The following ATP8A2 variants were observed in gnomAD, a reference collection of about 807,000 sequenced individuals.
ATP8A2 encodes phospholipid-transporting ATPase IB.
In ATP8A2, 100 loss-of-function variants were observed where a neutral mutation model predicts 165.6. That is an observed-to-expected ratio of 0.60 (90% confidence interval 0.51 to 0.71). The LOEUF (loss-of-function observed/expected upper bound fraction) is 0.71, where lower values mean the gene tolerates loss of function less well. ATP8A2 is among the 30% of genes least tolerant of loss of function. The pLI is 0.00. For synonymous variants in ATP8A2, 543 were observed against 548.8 expected, an observed-to-expected ratio of 0.99 and a Z score of 0.15; for missense variants, 1,227 against 1,479.5, an observed-to-expected ratio of 0.83 and a Z score of 2.80.
chr13:25,372,311 A>C lies in ATP8A2; in HGVS notation c.76+23A>C. Reference sequence around the variant, plus strand: ...TGGGTGAGCTGGGAGGGGCGCGGCGAGGGAGGGTGGGCCCGGGGCGGGGGC... The same window carrying C: ...TGGGTGAGCTGGGAGGGGCGCGGCGCGGGAGGGTGGGCCCGGGGCGGGGGC... On this transcript the variant is annotated intron_variant, in intron 1 of 36. Transcript: ENST00000381655. The surrounding 1 kb of genome is among the most constrained non-coding windows in gnomAD (Gnocchi z 4.8). 1.7e-6 allele frequency: 1 copy of C among 579,858 alleles called. No homozygotes were observed. Among genetic ancestry groups the C allele is most frequent in the Non-Finnish European group, 2.7e-6 (1 of 366,416 alleles). The allele number at this position is 579,858 out of a possible 1,614,324, so 35.9% of individuals were successfully genotyped here. A position where few individuals can be genotyped will look rare whatever the true frequency, so the allele number is the denominator to read the frequency against.
At chr13:25,856,461 G>A (rs1021474279) in intron 30 of ATP8A2, among the ~76,000 whole-genome samples, 4 of 152,088 alleles carry the variant, frequency 2.6e-5, no homozygotes, top group Non-Finnish European at 5.9e-5. Flanking sequence ...TTCAGGTGAT[G>A]GAGACACTAA....
intron 25 of ATP8A2, among the ~76,000 whole-genome samples, chr13:25,748,498 G>A (rs1190929651): frequency 6.6e-6 from 1 of 152,192 alleles, no homozygotes; most frequent in African/African-American, 2.4e-5. Flanking sequence ...TAAGATATTT[G>A]TTGCTTTTTC....
At chr13:25,650,883 T>A (rs1344708635) in intron 24 of ATP8A2, among the ~76,000 whole-genome samples, 1 of 152,192 alleles carries the variant, frequency 6.6e-6, no homozygotes, top group Non-Finnish European at 1.5e-5. Flanking sequence ...CATTATTTGA[T>A]TTTGTTTTAG....
chr13:25,991,221 A>G (rs1956386652), intron 35 of ATP8A2, among the ~76,000 whole-genome samples: 1 of 152,212 alleles, frequency 6.6e-6, no homozygotes, highest in Non-Finnish European at 1.5e-5. Flanking sequence ...AACATGAAAT[A>G]AAAGGGAATA....
chr13:25,570,874 T>G lies in ATP8A2; in HGVS notation c.1579+2T>G. ...TCATCTACCAGGCCTCTTCCCCAGG[T>G]GAGGGCTCTGGCCGGATGCGCCCTG... is the stretch of plus-strand genomic sequence containing the variant. On this transcript the variant is annotated splice_donor_variant, in intron 17 of 36. Coordinates refer to ENST00000381655, the MANE Select transcript of ATP8A2 (RefSeq NM_016529.6). LOFTEE classifies it high-confidence loss of function. 6.2e-7 allele frequency: 1 copy of G among 1,608,984 alleles called. No individual in the cohort carries two copies. Among genetic ancestry groups the G allele is most frequent in the Non-Finnish European group, 8.5e-7 (1 of 1,175,942 alleles).
At chr13:25,898,097 G>T (rs1593524782) in intron 33 of ATP8A2, among the ~76,000 whole-genome samples, 1 of 152,258 alleles carries the variant, frequency 6.6e-6, no homozygotes, top group East Asian at 1.9e-4. Context: ...TTCCTTTGGA[G>T]GTGCTCTGAT....
chr13:25,692,046 T>G (rs865985723), intron 24 of ATP8A2, among the ~76,000 whole-genome samples: 2 of 151,994 alleles, frequency 1.3e-5, no homozygotes, highest in African/African-American at 4.8e-5. Flanking sequence ...GCAGCTGCAC[T>G]GGGTGTGAGA....
intron 24 of ATP8A2, among the ~76,000 whole-genome samples, chr13:25,611,303 C>T (rs1041120117): frequency 6.6e-6 from 1 of 151,552 alleles, no homozygotes; most frequent in African/African-American, 2.4e-5. Context: ...GATGACTTTA[C>T]ATTGAGGTAT....
chr13:25,933,090 C>T (rs1954806967), intron 33 of ATP8A2, among the ~76,000 whole-genome samples: 1 of 152,198 alleles, frequency 6.6e-6, no homozygotes, highest in Non-Finnish European at 1.5e-5. Context: ...TCAGGTGATC[C>T]GTCCACCTTG....
chr13:25,793,428 A>G (rs967454943), intron 27 of ATP8A2, among the ~76,000 whole-genome samples: 1 of 152,224 alleles, frequency 6.6e-6, no homozygotes, highest in African/African-American at 2.4e-5. Context: ...TAACAAGCAT[A>G]GAGATGAAAA....
intron 2 of ATP8A2, among the ~76,000 whole-genome samples, chr13:25,507,570 T>A (rs1432630371): frequency 2.0e-5 from 3 of 152,152 alleles, no homozygotes; most frequent in African/African-American, 7.2e-5. Context: ...CTGGCTGTGC[T>A]GGTACCATTT....
rs894430119 is a variant in ATP8A2, at chr13:25,717,265, A to T, written c.2384+17920A>T. Reference sequence around the variant, plus strand: ...TAAAATTGGGAGGATTTGTAGTCACATATGAAAGGTAATAGTAAGGAAGAA... The same window carrying T: ...TAAAATTGGGAGGATTTGTAGTCACTTATGAAAGGTAATAGTAAGGAAGAA... On this transcript the variant is annotated intron_variant, in intron 25 of 36. Transcript: ENST00000381655. Among the ~76,000 whole-genome samples the T allele has an allele frequency of 3.3e-5, 5 of 152,286 alleles. No individual in the cohort carries two copies. The East Asian group carries it at 9.6e-4, about 29-fold the overall frequency.
chr13:25,627,305 C>T (rs1311310546), intron 24 of ATP8A2, among the ~76,000 whole-genome samples: 3 of 152,162 alleles, frequency 2.0e-5, no homozygotes, highest in Non-Finnish European at 4.4e-5. Context: ...CCATGCCATG[C>T]AGGGCCCTGT....
At chr13:25,388,080 C>G (rs898763838) in intron 1 of ATP8A2, among the ~76,000 whole-genome samples, 2 of 149,124 alleles carry the variant, frequency 1.3e-5, no homozygotes, top group African/African-American at 4.9e-5. Flanking sequence ...AAAAAAATCT[C>G]TTTACTAGTG....
rs115584646 is a variant in ATP8A2, at chr13:25,838,534, C to T, written c.2878-1012C>T. Among the ~76,000 whole-genome samples the T allele has an allele frequency of 6.6e-3, 1,003 of 151,056 alleles. 9 individuals carry two copies. The highest frequency in any genetic ancestry group is 0.022 in the African/African-American group (917 of 41,106). On this transcript the variant is annotated intron_variant, in intron 29 of 36. Coordinates refer to ENST00000381655, the MANE Select transcript of ATP8A2 (RefSeq NM_016529.6). ...GAAGTAAGTAAGAGCTGAGAATGCACGGAAACTTATCTGCAGGCACTTTGA... is the reference window on the plus strand; with the variant it reads ...GAAGTAAGTAAGAGCTGAGAATGCATGGAAACTTATCTGCAGGCACTTTGA...
intron 2 of ATP8A2, among the ~76,000 whole-genome samples, chr13:25,521,821 A>G (rs926203429): frequency 6.6e-6 from 1 of 151,964 alleles, no homozygotes; most frequent in African/African-American, 2.4e-5. Context: ...ATTCTGTTCC[A>G]TTGGTCTATG....
chr13:25,576,468 A>G (rs1232667416), intron 19 of ATP8A2, among the ~76,000 whole-genome samples: 1 of 152,068 alleles, frequency 6.6e-6, no homozygotes, highest in Admixed American at 6.6e-5. Flanking sequence ...GACGGAGAGC[A>G]GTAAGAAGAA....
At chr13:25,451,932 G>C (rs2035237553) in intron 1 of ATP8A2, among the ~76,000 whole-genome samples, 1 of 150,248 alleles carries the variant, frequency 6.7e-6, no homozygotes, top group African/African-American at 2.5e-5. Flanking sequence ...TCGGCTCACT[G>C]TGACCTCCGC....
chr13:25,702,437 A>G (rs2042970592), intron 25 of ATP8A2, among the ~76,000 whole-genome samples: 1 of 152,226 alleles, frequency 6.6e-6, no homozygotes, highest in Non-Finnish European at 1.5e-5. Context: ...AAAATCCTAG[A>G]GAGGGCATAT....
Sources: gnomAD v4.1 joint callset for allele counts (sites outside exome capture counted in the v4.1 genomes callset) on GRCh38, gnomAD v4.1.1 for gene constraint, Gnocchi (gnomAD v3.1) non-coding constraint, MANE v1.5 for transcripts, NCBI Gene and HGNC (gene_info 2026-07-23, HGNC 2026-07-21) for gene names.